MAGI3: variants seen among roughly 807,000 people sequenced by gnomAD.
MAGI3 encodes the protein membrane-associated guanylate kinase, WW and PDZ domain-containing protein 3.
A neutral mutation model predicts 121.8 loss-of-function variants in MAGI3; 43 were observed. That is an observed-to-expected ratio of 0.35 (90% CI 0.28 to 0.46). MAGI3 has a LOEUF of 0.46. Ranked by LOEUF, MAGI3 falls within the 20% of genes least tolerant of loss-of-function variation. The pLI is 1.00. For synonymous variants in MAGI3, 553 were observed against 639.3 expected (o/e 0.86, Z 2.04); for missense variants, 1,547 against 1,797.3 (o/e 0.86, Z 2.52).
Position 113,681,096 on chromosome 1 carries a change from A to G in MAGI3, c.3190-102A>G, listed in dbSNP as rs571022540. 11 of 1,400,094 alleles carry G rather than the reference A, an allele frequency of 7.9e-6. No homozygotes were observed. The African/African-American group carries it at 1.1e-4, about 15-fold the overall frequency. 86.7% of individuals were successfully genotyped at this position (1,400,094 alleles called of 1,614,324 possible). On this transcript the variant is annotated intron_variant, in intron 19 of 20. Transcript: ENST00000307546. ...GTACACGTTAGGTATTTTACAAACG[A>G]AAGAATCACTTAGCAAGGTTGAATG...
At chr1:113,619,879 G>T in intron 8 of MAGI3, 49 bp downstream of exon 8, 1 of 1,332,946 alleles carries the variant, frequency 7.5e-7, no homozygotes, top group Admixed American at 1.8e-5. Context: ...TGTGAAATTT[G>T]TATGCTGAGT....
chr1:113,579,935 A>G (rs954042549), intron 2 of MAGI3, among the ~76,000 whole-genome samples: 2 of 151,986 alleles, frequency 1.3e-5, no homozygotes, highest in Non-Finnish European at 2.9e-5. Flanking sequence ...TTGAAATGAC[A>G]TTGTGTAAAA....
chr1:113,400,346 G>A (rs1370508888), intron 1 of MAGI3, among the ~76,000 whole-genome samples: 1 of 152,058 alleles, frequency 6.6e-6, no homozygotes, highest in Non-Finnish European at 1.5e-5. Context: ...ATGCACAGTA[G>A]GAGTTTTGTA....
chr1:113,484,818 G>A (rs758077340), intron 1 of MAGI3, among the ~76,000 whole-genome samples: 15 of 149,610 alleles, frequency 1.0e-4, no homozygotes, highest in Admixed American at 4.0e-4. Context: ...TCTGTGTCCC[G>A]GGTTCAAGCA....
chr1:113,504,499 A>G (rs1157781037), intron 1 of MAGI3, among the ~76,000 whole-genome samples: 1 of 152,140 alleles, frequency 6.6e-6, no homozygotes, highest in Admixed American at 6.5e-5. Context: ...AAATTAAAAT[A>G]ACACCAAACT....
At chr1:113,416,084 T>C (rs1334213854) in intron 1 of MAGI3, among the ~76,000 whole-genome samples, 1 of 136,356 alleles carries the variant, frequency 7.3e-6, no homozygotes, top group Non-Finnish European at 1.7e-5. Context: ...TAATGACACA[T>C]ATTAATTATG....
intron 5 of MAGI3, among the ~76,000 whole-genome samples, chr1:113,592,444 A>C (rs1214480702): frequency 1.3e-5 from 2 of 152,160 alleles, no homozygotes; most frequent in Non-Finnish European, 2.9e-5. Flanking sequence ...AAAATTTTGG[A>C]TCATGGGAAC....
chr1:113,424,183 C>T lies in MAGI3; in HGVS notation c.316+32834C>T, dbSNP rs548780516. ...CCTGCCAGCTCCAAGGAGTGTGCAG[C>T]TCCAGCCACCCCCGCCGCCTGCCCC... On this transcript the variant is annotated intron_variant, in intron 1 of 20. Coordinates refer to ENST00000307546, the MANE Select transcript of MAGI3 (RefSeq NM_001142782.2). 1.2e-3 allele frequency among the ~76,000 whole-genome samples: 180 copies of T among 152,090 alleles called. 1 individual carries two copies. The highest frequency in any genetic ancestry group is 4.1e-3 in the African/African-American group (171 of 41,482).
chr1:113,458,671 A>C lies in MAGI3; in HGVS notation c.316+67322A>C, dbSNP rs182174923. Among the ~76,000 whole-genome samples, 799 of 151,754 alleles carry C rather than the reference A, an allele frequency of 5.3e-3. 5 individuals carry two copies. Among genetic ancestry groups the C allele is most frequent in the Non-Finnish European group, 8.2e-3 (558 of 67,960 alleles). ...TAGGACTACAAGAGTGTGCCACTGC[A>C]CCCAGCTAGTTTTAAATTTTTTTAT... On this transcript the variant is annotated intron_variant, in intron 1 of 20. Coordinates refer to ENST00000307546, the MANE Select transcript of MAGI3 (RefSeq NM_001142782.2).
intron 1 of MAGI3, among the ~76,000 whole-genome samples, chr1:113,541,888 A>G (rs1056398889): frequency 1.3e-5 from 2 of 152,110 alleles, no homozygotes; most frequent in African/African-American, 4.8e-5. Flanking sequence ...GCAACACTGG[A>G]TTTCTCTCAG....
At position 113,519,277 on chromosome 1, in the gene MAGI3, G is replaced by A. The variant is rs903457208; in HGVS notation, c.317-30238G>A. On this transcript the variant is annotated intron_variant, in intron 1 of 20. Coordinates refer to ENST00000307546, the MANE Select transcript of MAGI3 (RefSeq NM_001142782.2). Reference sequence around the variant, plus strand: ...AGTTCATAGCTTCAAAGTATGATTGGGTTTCTCATAATTAATTATCTTTTT... The same window carrying A: ...AGTTCATAGCTTCAAAGTATGATTGAGTTTCTCATAATTAATTATCTTTTT... 3.3e-5 allele frequency among the ~76,000 whole-genome samples: 5 copies of A among 152,092 alleles called. No homozygotes were observed. In the East Asian group the frequency reaches 7.7e-4, roughly 23 times the overall value.
intron 1 of MAGI3, among the ~76,000 whole-genome samples, chr1:113,458,311 A>G (rs1557767900): frequency 6.6e-6 from 1 of 152,064 alleles, no homozygotes; most frequent in Non-Finnish European, 1.5e-5. Context: ...GATGGCCCTA[A>G]TTTTTTGATC....
chr1:113,413,091 T>C (rs1191645796), intron 1 of MAGI3, among the ~76,000 whole-genome samples: 1 of 152,080 alleles, frequency 6.6e-6, no homozygotes, highest in Non-Finnish European at 1.5e-5. Context: ...CAGCTTTCTG[T>C]ATATGGCTAG....
intron 1 of MAGI3, among the ~76,000 whole-genome samples, chr1:113,459,642 AAT>A (rs1272467124): frequency 5.3e-5 from 8 of 152,224 alleles, no homozygotes; most frequent in Admixed American, 5.2e-4. Flanking sequence ...ATAACTGTGA[AAT>A]ATCTTTCTTT....
intron 1 of MAGI3, among the ~76,000 whole-genome samples, chr1:113,395,707 TGTATATCATTTTCTA>T (rs1651076349): frequency 6.6e-6 from 1 of 152,018 alleles, no homozygotes; most frequent in Admixed American, 6.6e-5. Flanking sequence ...TAACTTTTCT[TGTATATCATTTTCTA>T]GTATATCATT....
intron 1 of MAGI3, among the ~76,000 whole-genome samples, chr1:113,402,435 T>G (rs1206221058): frequency 1.3e-5 from 2 of 152,222 alleles, no homozygotes; most frequent in East Asian, 3.8e-4. Flanking sequence ...TAAGTATTTA[T>G]TTTGGTTAGT....
chr1:113,564,185 C>T (rs72687980), intron 2 of MAGI3, among the ~76,000 whole-genome samples: 34,172 of 152,140 alleles, frequency 0.22, 4,885 homozygotes, highest in East Asian at 0.65. Flanking sequence ...GAAGGGATTT[C>T]AGAATTGGTT....
At chr1:113,638,800 GCTGT>G (rs1468333976) in intron 9 of MAGI3, among the ~76,000 whole-genome samples, 2 of 152,244 alleles carry the variant, frequency 1.3e-5, no homozygotes, top group African/African-American at 4.8e-5. Flanking sequence ...AGAGGTTACT[GCTGT>G]CTTTTTGTTT....
chr1:113,406,074 C>G (rs1246479564), intron 1 of MAGI3, among the ~76,000 whole-genome samples: 1 of 151,646 alleles, frequency 6.6e-6, no homozygotes, highest in East Asian at 1.9e-4. Context: ...TAATTTGGTG[C>G]CCTTGTTTTA....
Sources: gnomAD v4.1 joint callset for allele counts (sites outside exome capture counted in the v4.1 genomes callset) on GRCh38, gnomAD v4.1.1 for gene constraint, MANE v1.5 for transcripts, NCBI Gene and HGNC (gene_info 2026-07-23, HGNC 2026-07-21) for gene names.